The following MFNG variants were observed in gnomAD, a reference collection of about 807,000 sequenced individuals.
MFNG encodes beta-1,3-N-acetylglucosaminyltransferase manic fringe.
MFNG carries 24 observed loss-of-function variants against 34.2 expected under a neutral mutation model. The observed-to-expected ratio is 0.70, with a 90% CI of 0.51 to 0.99. MFNG has a LOEUF of 0.99. MFNG is among the 50% of genes least tolerant of loss of function. The probability of loss-of-function intolerance (pLI) is 0.00; values close to 1 mark genes in which losing one functional copy is unlikely to be tolerated. For synonymous variants in MFNG, 158 were observed against 179.2 expected, an observed-to-expected ratio of 0.88 and a Z score of 0.94; for missense variants, 383 against 424.0, an observed-to-expected ratio of 0.90 and a Z score of 0.85.
At chr22:37,480,890 C>T (rs2145736074) in intron 1 of MFNG, 121 bp from the exon 2 acceptor site, 1 of 818,148 alleles carries the variant, frequency 1.2e-6, no homozygotes, top group Non-Finnish European at 2.0e-6. Context: ...CAGACACACC[C>T]CTCTCATGGT....
intron 6 of MFNG, among the ~76,000 whole-genome samples, chr22:37,472,891 T>C (rs1035333747): frequency 1.3e-5 from 2 of 152,062 alleles, no homozygotes; most frequent in African/African-American, 4.8e-5. Context: ...CCTTGGCACA[T>C]CCCTCTTCAC....
At chr22:37,481,070 C>A in intron 1 of MFNG, 1 of 445,856 alleles carries the variant, frequency 2.2e-6, no homozygotes, top group South Asian at 2.7e-5. Flanking sequence ...TCACCCTCTT[C>A]TATCACACAC....
chr22:37,480,387 A>C (rs1481606737), intron 2 of MFNG, 88 bp from the exon 3 acceptor site: 4 of 1,081,376 alleles, frequency 3.7e-6, no homozygotes, highest in Non-Finnish European at 5.5e-6. Context: ...GCTGGGCAAC[A>C]GGGAGTCTGG....
chr22:37,486,266 G>T lies in MFNG; in HGVS notation c.-89C>A. 2.2e-6 allele frequency: 3 copies of T among 1,384,974 alleles called. No individual in the cohort carries two copies. The highest frequency in any genetic ancestry group is 2.8e-6 in the Non-Finnish European group (3 of 1,057,796). 85.8% of individuals were successfully genotyped at this position (1,384,974 alleles called of 1,614,324 possible). The stretch of plus-strand genomic sequence containing the variant: ...TGGTCAGGCAGGGGCTCCAGCAGAG[G>T]CAAAAGTCTGGCAGGCATCAGGGGC... On this transcript the variant is annotated 5_prime_UTR_variant, in exon 1 of 8. Transcript: ENST00000356998.
At chr22:37,479,593 G>A in intron 3 of MFNG, 95 bp from the exon 4 acceptor site, 1 of 1,480,984 alleles carries the variant, frequency 6.8e-7, no homozygotes, top group East Asian at 2.3e-5. Context: ...GACGGAATGG[G>A]GGTAGGGGTG....
chr22:37,482,883 G>T lies in MFNG; in HGVS notation c.256-2114C>A, dbSNP rs534896891. On this transcript the variant is annotated intron_variant, in intron 1 of 7. Coordinates refer to ENST00000356998, the MANE Select transcript of MFNG (RefSeq NM_002405.4). This position sits in a 1 kb window ranked among gnomAD's most constrained non-coding sequence, Gnocchi z 4.1. ...CTGGATTTCCGCAGGGGGAAATGGT[G>T]GTGGTCCAAGCCTAGACCCTGGTCC... 6.6e-6 allele frequency among the ~76,000 whole-genome samples: 1 copy of T among 152,242 alleles called. No homozygotes were observed. Among genetic ancestry groups the T allele is most frequent in the South Asian group, 2.1e-4 (1 of 4,816 alleles).
chr22:37,476,760 GC>G, intron 5 of MFNG, 135 bp downstream of exon 5: 3 of 741,650 alleles, frequency 4.0e-6, no homozygotes, highest in Non-Finnish European at 6.8e-6. Context: ...ACCAACTGCC[GC>G]TCTGTGACAC....
chr22:37,483,446 A>G lies in MFNG; in HGVS notation c.255+2477T>C, dbSNP rs1444696516. Among the ~76,000 whole-genome samples the G allele has an allele frequency of 6.7e-6, 1 of 150,342 alleles. No individual in the cohort carries two copies. The highest frequency in any genetic ancestry group is 1.5e-5 in the Non-Finnish European group (1 of 67,766). ...CCAAACAGCCACCCGATAGTGAAAC[A>G]CTCTCAAGCTTGGAGCATGGGCCAA... On this transcript the variant is annotated intron_variant, in intron 1 of 7. Coordinates refer to ENST00000356998, the MANE Select transcript of MFNG (RefSeq NM_002405.4). The surrounding 1 kb of genome is among the most constrained non-coding windows in gnomAD (Gnocchi z 4.5).
chr22:37,478,359 G>A (rs1020363818), intron 4 of MFNG, among the ~76,000 whole-genome samples: 10 of 152,172 alleles, frequency 6.6e-5, no homozygotes, highest in Non-Finnish European at 1.5e-4. Context: ...GGGGGTCCTG[G>A]GGACAGGGAG....
At chr22:37,477,067 C>T in intron 4 of MFNG, 86 bp from the exon 5 acceptor site, 2 of 1,133,162 alleles carry the variant, frequency 1.8e-6, no homozygotes, top group Non-Finnish European at 2.7e-6. Context: ...TCACCCCCAA[C>T]CAGCATGGCT....
chr22:37,472,478 T>C lies in MFNG; in HGVS notation c.864A>G (p.Leu288=). The C allele has an allele frequency of 6.3e-7, 1 of 1,584,068 alleles. No homozygotes were observed. The highest frequency in any genetic ancestry group is 8.6e-7 in the Non-Finnish European group (1 of 1,168,152). The change falls in exon 7 of 8, where the codon CTA becomes CTG. Residue 288 remains leucine, a synonymous_variant. Transcript: ENST00000356998. ...CCTCCTCCGGGGAGAAGGGGCCCTG[T>C]AGCTTAATGACGTTGAGTTTCCCCT... is the stretch of plus-strand genomic sequence containing the variant. ...VFEGKLNVIK[L]QGPFSPEEDP... is the part of the protein sequence containing the mutation.
chr22:37,471,942 G>C (rs937821313), intron 7 of MFNG, among the ~76,000 whole-genome samples: 16 of 152,010 alleles, frequency 1.1e-4, no homozygotes, highest in African/African-American at 3.9e-4. Flanking sequence ...GTCAGGAGCG[G>C]ATTTGGGTGG....
chr22:37,476,419 T>C (rs887162647), intron 5 of MFNG, among the ~76,000 whole-genome samples: 10 of 152,152 alleles, frequency 6.6e-5, no homozygotes, highest in African/African-American at 2.4e-4. Context: ...TATAGTGGAC[T>C]GTCCCAGCTC....
rs370409207 is a variant in MFNG, at chr22:37,479,935, G to A, written c.407+262C>T. On this transcript the variant is annotated intron_variant, in intron 3 of 7. Coordinates refer to ENST00000356998, the MANE Select transcript of MFNG (RefSeq NM_002405.4). ...AGGAGAATCGCTTGAATCCAGGAGC[G>A]GAGGTTGCAATGAGCCGAGACTGCA... Among the ~76,000 whole-genome samples the A allele has an allele frequency of 1.6e-4, 25 of 152,164 alleles. No individual in the cohort carries two copies. The East Asian group carries it at 2.7e-3, about 17-fold the overall frequency.
chr22:37,485,565 C>T lies in MFNG; in HGVS notation c.255+358G>A, dbSNP rs78357743. On this transcript the variant is annotated intron_variant, in intron 1 of 7. Transcript: ENST00000356998. This position sits in a 1 kb window ranked among gnomAD's most constrained non-coding sequence, Gnocchi z 5.3. Reference sequence around the variant, plus strand: ...CCAGCTGCCCAACACCCACCATTACCCCTGATGCCAGGCTGGGCCTGGGTG... The same window carrying T: ...CCAGCTGCCCAACACCCACCATTACTCCTGATGCCAGGCTGGGCCTGGGTG... Among the ~76,000 whole-genome samples, 1 of 152,184 alleles carries T rather than the reference C, an allele frequency of 6.6e-6. No individual in the cohort carries two copies. The highest frequency in any genetic ancestry group is 1.9e-4 in the East Asian group (1 of 5,182).
At chr22:37,484,051 G>A (rs1601801259) in intron 1 of MFNG, among the ~76,000 whole-genome samples, 1 of 152,286 alleles carries the variant, frequency 6.6e-6, no homozygotes, top group African/African-American at 2.4e-5. Context: ...GGCAGGGGAG[G>A]GGTGGCCGGG....
chr22:37,471,763 G>A (rs1255554804), intron 7 of MFNG, among the ~76,000 whole-genome samples: 2 of 150,722 alleles, frequency 1.3e-5, no homozygotes, highest in East Asian at 1.9e-4. Flanking sequence ...CCCGGGGGGC[G>A]GAGGTTGCAG....
In MFNG at chr22:37,486,101, T is replaced by C. The variant is rs1274064388; in HGVS notation, c.77A>G (p.Tyr26Cys). Residue 26 changes from tyrosine (Y) to cysteine (C), a missense_variant, in exon 1 of 8, where the codon TAC (tyrosine) becomes TGC (cysteine). By Grantham distance (194) the Tyr-to-Cys change is radical. Coordinates refer to ENST00000356998, the MANE Select transcript of MFNG (RefSeq NM_002405.4). ...LLCMGLLCLR[Y>C]HLNLSPQRVQ... ...CCGCTGCGGGGACAGGTTCAAGTGG[T>C]ACCGCAGACACAGGAGCCCCATGCA... The C allele has an allele frequency of 1.9e-6, 3 of 1,612,546 alleles. No individual in the cohort carries two copies. The highest frequency in any genetic ancestry group is 1.7e-6 in the Non-Finnish European group (2 of 1,179,176).
chr22:37,472,680 C>T (rs1411080957), intron 6 of MFNG, 152 bp from the exon 7 acceptor site: 6 of 627,998 alleles, frequency 9.6e-6, no homozygotes, highest in South Asian at 2.1e-5. Context: ...GCCCACCCCA[C>T]GCCCCAAGGC....
Sources: gnomAD v4.1 joint callset for allele counts (sites outside exome capture counted in the v4.1 genomes callset) on GRCh38, gnomAD v4.1.1 for gene constraint, Gnocchi (gnomAD v3.1) non-coding constraint, MANE v1.5 for transcripts, NCBI Gene and HGNC (gene_info 2026-07-23, HGNC 2026-07-21) for gene names.